Variants in KCTD20 observed in about 807,000 individuals in gnomAD.
KCTD20 encodes the protein BTB/POZ domain-containing protein KCTD20.
KCTD20 carries 30 observed loss-of-function variants against 39.6 expected under a neutral mutation model. The ratio of observed to expected loss-of-function variants is 0.76; its 90% CI spans 0.57 to 1.03. The LOEUF (loss-of-function observed/expected upper bound fraction) is 1.03. Among genes scored for constraint, KCTD20 ranks in the 50% least tolerant of loss-of-function variants. The probability of loss-of-function intolerance (pLI) is 0.00; values close to 1 mark genes in which losing one functional copy is unlikely to be tolerated. For missense variants in KCTD20, 422 were observed against 522.0 expected (o/e 0.81, Z 1.87); for synonymous variants, 162 against 180.6 (o/e 0.90, Z 0.83).
At position 36,481,617 on chromosome 6, in the gene KCTD20, C is replaced by T. The variant is rs377624197; in HGVS notation, c.714C>T (p.Tyr238=). Residue 238 remains tyrosine (Y), a synonymous_variant, in exon 6 of 8, where the codon TAC becomes TAT. Coordinates refer to ENST00000373731, the MANE Select transcript of KCTD20 (RefSeq NM_173562.5). ...NDGAHKQFDH[Y]LEELILPIMV... ...GTGCTCATAAGCAGTTTGATCACTA[C>T]CTCGAAGAGCTCATCTTGCCCATCA... The T allele has an allele frequency of 1.4e-5, 23 of 1,614,210 alleles. No homozygotes were observed. The South Asian group carries it at 2.5e-4, about 18-fold the overall frequency.
chr6:36,487,068 G>A lies in KCTD20; in HGVS notation c.1153G>A (p.Val385Ile), dbSNP rs771859896. The change falls in exon 8 of 8, where the codon GTC (valine) becomes ATC (isoleucine). Residue 385 changes from valine (V) to isoleucine (I), a missense_variant. Physicochemically the swap from Val to Ile is conservative, Grantham distance 29 (BLOSUM62 3). Coordinates refer to ENST00000373731, the MANE Select transcript of KCTD20 (RefSeq NM_173562.5). Reference protein sequence around the residue: ...LTNLVAAGDDVLEDQEILMHH... With the variant: ...LTNLVAAGDDILEDQEILMHH... ...GAATCTGGTAGCTGCTGGAGATGATGTCTTGGAGGACCAGGAGATATTAAT... is the reference window on the plus strand; with the variant it reads ...GAATCTGGTAGCTGCTGGAGATGATATCTTGGAGGACCAGGAGATATTAAT... 5.6e-6 allele frequency: 9 copies of A among 1,614,126 alleles called. No homozygotes were observed. The highest frequency in any genetic ancestry group is 1.7e-5 in the Admixed American group (1 of 60,010).
At chr6:36,468,518 G>GT (rs1775824963) in intron 1 of KCTD20, among the ~76,000 whole-genome samples, 1 of 152,174 alleles carries the variant, frequency 6.6e-6, no homozygotes. Context: ...TTCAAAACCA[G>GT]TTAAGATTAA....
intron 1 of KCTD20, among the ~76,000 whole-genome samples, chr6:36,464,201 A>G (rs893560974): frequency 2.0e-5 from 3 of 152,236 alleles, no homozygotes; most frequent in African/African-American, 7.2e-5. Flanking sequence ...ATTTGACATT[A>G]TAATTCTGAA....
rs145306953 is a variant in KCTD20, at chr6:36,445,807, A to G, written c.-47+2696A>G. ...AAAGGTCCAGAGAAATTATAAGTAG[A>G]TGGAGAAAAATGGAGAGACTTTCAT... On this transcript the variant is annotated intron_variant, in intron 1 of 7. Coordinates refer to ENST00000373731, the MANE Select transcript of KCTD20 (RefSeq NM_173562.5). 3.1e-3 allele frequency among the ~76,000 whole-genome samples: 478 copies of G among 152,286 alleles called. 2 individuals are homozygous for G. Among genetic ancestry groups the G allele is most frequent in the African/African-American group, 0.01 (436 of 41,546 alleles).
intron 6 of KCTD20, among the ~76,000 whole-genome samples, chr6:36,482,498 A>G (rs1171994394): frequency 6.6e-6 from 1 of 152,228 alleles, no homozygotes; most frequent in Non-Finnish European, 1.5e-5. Context: ...GGTTGCAGTG[A>G]GCCGAGATCA....
At chr6:36,448,664 T>G (rs577216230) in intron 1 of KCTD20, among the ~76,000 whole-genome samples, 1 of 152,346 alleles carries the variant, frequency 6.6e-6, no homozygotes, top group East Asian at 1.9e-4. Context: ...CTGAGGCCTC[T>G]GTTTGACTTG....
chr6:36,479,301 A>C, intron 4 of KCTD20, 78 bp downstream of exon 4: 1 of 1,053,104 alleles, frequency 9.5e-7, no homozygotes, highest in East Asian at 2.4e-5. Flanking sequence ...TCCATCAACT[A>C]TGTTATTGAC....
At chr6:36,450,862 A>C (rs1028938932) in intron 1 of KCTD20, 3 of 152,128 alleles carry the variant, frequency 2.0e-5, no homozygotes, top group African/African-American at 7.2e-5. Context: ...TTTTCTCTTA[A>C]ACTGTTTCAA....
chr6:36,465,377 GTTTT>G (rs202238713), intron 1 of KCTD20, among the ~76,000 whole-genome samples: 6 of 143,116 alleles, frequency 4.2e-5, no homozygotes, highest in African/African-American at 1.3e-4. Context: ...ATTCCAATTA[GTTTT>G]TTTTTGTTTT....
Position 36,489,400 on chromosome 6 carries a change from T to C in KCTD20, c.*2225T>C, listed in dbSNP as rs1032429056. On this transcript the variant is annotated 3_prime_UTR_variant, in exon 8 of 8. Coordinates refer to ENST00000373731, the MANE Select transcript of KCTD20 (RefSeq NM_173562.5). ...TTTTTTCCCCCAAATTAGGTTAACATGCATTTGACCCCAACCTGTGGGGTT... is the reference window on the plus strand; with the variant it reads ...TTTTTTCCCCCAAATTAGGTTAACACGCATTTGACCCCAACCTGTGGGGTT... The C allele has an allele frequency of 2.0e-5, 3 of 152,214 alleles. No individual in the cohort carries two copies. Among genetic ancestry groups the C allele is most frequent in the South Asian group, 2.1e-4 (1 of 4,832 alleles). 9.4% of individuals were successfully genotyped at this position (152,214 alleles called of 1,614,324 possible).
At chr6:36,467,666 A>T (rs1775801656) in intron 1 of KCTD20, among the ~76,000 whole-genome samples, 2 of 152,012 alleles carry the variant, frequency 1.3e-5, no homozygotes, top group Admixed American at 1.3e-4. Context: ...AGAAATTCTG[A>T]AGCCAAATCC....
chr6:36,478,101 A>AAAAAGAAAAG (rs1554163105), intron 3 of KCTD20, among the ~76,000 whole-genome samples: 4 of 145,766 alleles, frequency 2.7e-5, no homozygotes, highest in African/African-American at 1.0e-4. Context: ...TCTCAAAAAA[A>AAAAAGAAAAG]AAAAGAAAAG....
chr6:36,448,929 T>A (rs1174346360), intron 1 of KCTD20, among the ~76,000 whole-genome samples: 1 of 152,024 alleles, frequency 6.6e-6, no homozygotes, highest in Non-Finnish European at 1.5e-5. Context: ...TTACAGCTCT[T>A]AAAGGTGGCG....
intron 1 of KCTD20, among the ~76,000 whole-genome samples, chr6:36,450,533 C>T (rs1026357164): frequency 3.3e-5 from 5 of 151,796 alleles, no homozygotes; most frequent in South Asian, 2.1e-4. Flanking sequence ...TCTGAATGCT[C>T]GTTTCCTTCA....
chr6:36,448,049 C>G (rs1193328436), intron 1 of KCTD20, among the ~76,000 whole-genome samples: 4 of 126,690 alleles, frequency 3.2e-5, no homozygotes, highest in Non-Finnish European at 4.7e-5. Context: ...ATTTGAAATA[C>G]TGAGGTTTTA....
intron 1 of KCTD20, among the ~76,000 whole-genome samples, chr6:36,449,125 C>T (rs1034369095): frequency 4.6e-5 from 7 of 152,274 alleles, no homozygotes; most frequent in Admixed American, 6.5e-5. Context: ...GGGTTCTGAG[C>T]GGGCTGCTGC....
At chr6:36,457,844 G>A (rs1775484187) in intron 1 of KCTD20, among the ~76,000 whole-genome samples, 1 of 152,190 alleles carries the variant, frequency 6.6e-6, no homozygotes, top group Non-Finnish European at 1.5e-5. Flanking sequence ...TTAAACTAGT[G>A]CATGGAAGTC....
At chr6:36,454,217 T>G (rs1421746950) in intron 1 of KCTD20, among the ~76,000 whole-genome samples, 2 of 152,226 alleles carry the variant, frequency 1.3e-5, no homozygotes, top group Non-Finnish European at 2.9e-5. Flanking sequence ...ACAAACTACC[T>G]CCTGCTGCCT....
intron 5 of KCTD20, among the ~76,000 whole-genome samples, chr6:36,481,339 C>T (rs1191071249): frequency 2.0e-5 from 3 of 152,092 alleles, no homozygotes; most frequent in Non-Finnish European, 4.4e-5. Flanking sequence ...TCAGAATGCT[C>T]AAGGATTATT....
Sources: allele counts gnomAD v4.1 joint callset (sites outside exome capture counted in the v4.1 genomes callset), GRCh38; gene constraint gnomAD v4.1.1; transcripts MANE v1.5; gene names NCBI Gene and HGNC (gene_info 2026-07-23, HGNC 2026-07-21).